NFIA: variants seen among roughly 807,000 people sequenced by gnomAD.
NFIA encodes the protein nuclear factor I A, also known as nuclear factor 1 A-type.
A neutral mutation model predicts 62.8 loss-of-function variants in NFIA; 8 were observed. The ratio of observed to expected loss-of-function variants is 0.13; its 90% confidence interval spans 0.07 to 0.23. NFIA has a LOEUF of 0.23. NFIA is among the 10% of genes least tolerant of loss of function. NFIA has a pLI of 1.00. For synonymous variants in NFIA, 235 were observed against 238.1 expected (o/e 0.99, Z 0.12); for missense variants, 410 against 642.1 (o/e 0.64, Z 3.91).
At chr1:61,237,587 A>C (rs1655084226) in intron 2 of NFIA, among the ~76,000 whole-genome samples, 1 of 152,226 alleles carries the variant, frequency 6.6e-6, no homozygotes, top group Admixed American at 6.5e-5. Context: ...TTTAATCAAC[A>C]GAATCAACAG....
At chr1:61,168,908 C>T (rs537549921) in intron 2 of NFIA, among the ~76,000 whole-genome samples, 21 of 152,242 alleles carry the variant, frequency 1.4e-4, no homozygotes, top group South Asian at 1.0e-3. Context: ...ATGGAAGGCC[C>T]TAAGTTTGTT....
chr1:61,431,827 C>T (rs966197541), intron 10 of NFIA, among the ~76,000 whole-genome samples: 2 of 152,142 alleles, frequency 1.3e-5, no homozygotes, highest in East Asian at 3.9e-4. Context: ...GTTGCCATTC[C>T]GTGTGTCATA....
intron 1 of NFIA, among the ~76,000 whole-genome samples, chr1:61,087,138 C>G (rs1313325945): frequency 6.6e-6 from 1 of 151,848 alleles, no homozygotes; most frequent in Non-Finnish European, 1.5e-5. Flanking sequence ...TTAAGCAAAA[C>G]AGAAAGAAAC....
chr1:61,103,230 C>T (rs1317868133), intron 2 of NFIA, among the ~76,000 whole-genome samples: 1 of 152,138 alleles, frequency 6.6e-6, no homozygotes, highest in East Asian at 1.9e-4. Context: ...TGCCTGTGTA[C>T]ACAGGTTCTA....
rs1429538611 is a variant in NFIA, at chr1:61,455,326, G to C, written c.*6G>C. The C allele has an allele frequency of 3.1e-6, 5 of 1,614,028 alleles. No homozygotes were observed. Among genetic ancestry groups the C allele is most frequent in the Non-Finnish European group, 4.2e-6 (5 of 1,179,972 alleles). ...AGTCCTGGTACCTGGGATAAAAGTT[G>C]CAGCGTCCCACCATCCACCAGACAG... On this transcript the variant is annotated 3_prime_UTR_variant, in exon 11 of 11. Transcript: ENST00000403491.
chr1:61,343,871 A>C (rs1258633290), intron 4 of NFIA, among the ~76,000 whole-genome samples: 1 of 152,220 alleles, frequency 6.6e-6, no homozygotes, highest in African/African-American at 2.4e-5. Flanking sequence ...ACACTGCAGC[A>C]GTCTGCTATC....
intron 2 of NFIA, among the ~76,000 whole-genome samples, chr1:61,196,934 T>TGCAC (rs1652051679): frequency 1.9e-5 from 2 of 105,252 alleles, no homozygotes; most frequent in African/African-American, 1.0e-4. Flanking sequence ...TGTGTGTGTG[T>TGCAC]GTGTGTGCGC....
intron 2 of NFIA, among the ~76,000 whole-genome samples, chr1:61,230,318 T>TG (rs1454146762): frequency 6.6e-6 from 1 of 152,182 alleles, no homozygotes; most frequent in Non-Finnish European, 1.5e-5. Flanking sequence ...AGACCTACTG[T>TG]GAAGTGGGTG....
At chr1:61,425,157 A>G (rs1167121028) in intron 9 of NFIA, among the ~76,000 whole-genome samples, 2 of 152,228 alleles carry the variant, frequency 1.3e-5, no homozygotes, top group African/African-American at 2.4e-5. Context: ...CCATGTGACC[A>G]TTGCAGATCT....
At chr1:61,151,364 C>G (rs1304315148) in intron 2 of NFIA, among the ~76,000 whole-genome samples, 1 of 147,370 alleles carries the variant, frequency 6.8e-6, no homozygotes, top group East Asian at 2.0e-4. Flanking sequence ...CTTGCACCAC[C>G]GTGCCTGGCT....
chr1:61,264,942 T>A (rs558388433), intron 2 of NFIA, among the ~76,000 whole-genome samples: 1 of 152,280 alleles, frequency 6.6e-6, no homozygotes, highest in African/African-American at 2.4e-5. Context: ...TGGGTTTGAG[T>A]GGGTGGGACC....
chr1:61,394,357 T>G (rs967940720), intron 7 of NFIA, among the ~76,000 whole-genome samples: 1 of 151,962 alleles, frequency 6.6e-6, no homozygotes, highest in Non-Finnish European at 1.5e-5. Context: ...GTATTTTTAG[T>G]AGAGATGGGG....
At chr1:61,266,576 T>G (rs1353876467) in intron 2 of NFIA, among the ~76,000 whole-genome samples, 1 of 152,068 alleles carries the variant, frequency 6.6e-6, no homozygotes, top group Non-Finnish European at 1.5e-5. Flanking sequence ...TTTTGTATTT[T>G]TAGTAGAGAC....
chr1:61,362,974 A>G (rs1410758307), intron 6 of NFIA, among the ~76,000 whole-genome samples: 1 of 152,250 alleles, frequency 6.6e-6, no homozygotes, highest in Non-Finnish European at 1.5e-5. Flanking sequence ...CACAGCGCCC[A>G]CATTGGGTCA....
At chr1:61,184,125 CAAAAAA>C (rs71050114) in intron 2 of NFIA, among the ~76,000 whole-genome samples, 50 of 94,916 alleles carry the variant, frequency 5.3e-4, no homozygotes, top group Middle Eastern at 5.9e-3. Flanking sequence ...GAAAAAAAAC[CAAAAAA>C]AAAAAAAAAA....
chr1:61,320,603 T>G (rs530779735), intron 3 of NFIA, among the ~76,000 whole-genome samples: 2 of 149,160 alleles, frequency 1.3e-5, no homozygotes, highest in East Asian at 4.0e-4. Flanking sequence ...GGATTTTCTT[T>G]CCATGCTTGG....
chr1:61,417,068 T>A (rs1388502057), intron 9 of NFIA, among the ~76,000 whole-genome samples: 4 of 152,148 alleles, frequency 2.6e-5, no homozygotes, highest in African/African-American at 9.6e-5. Flanking sequence ...TTCCATTCAT[T>A]TGGGTCGTCA....
chr1:61,292,198 A>G (rs1047232458), intron 3 of NFIA, among the ~76,000 whole-genome samples: 1 of 152,188 alleles, frequency 6.6e-6, no homozygotes, highest in African/African-American at 2.4e-5. Flanking sequence ...TGGAAGCTCC[A>G]GTGATTTCTT....
At chr1:61,152,839 G>T (rs1345825176) in intron 2 of NFIA, among the ~76,000 whole-genome samples, 1 of 152,132 alleles carries the variant, frequency 6.6e-6, no homozygotes, top group Non-Finnish European at 1.5e-5. Context: ...GGCTAATACT[G>T]TATTGTAATA....
Sources: allele counts gnomAD v4.1 joint callset (sites outside exome capture counted in the v4.1 genomes callset), GRCh38; gene constraint gnomAD v4.1.1; transcripts MANE v1.5; gene names NCBI Gene and HGNC (gene_info 2026-07-23, HGNC 2026-07-21).